FGF12: variants seen among roughly 807,000 people sequenced by gnomAD.
FGF12 encodes the protein fibroblast growth factor 12B.
In FGF12, 14 loss-of-function variants were observed where a neutral mutation model predicts 23.6. That is an observed-to-expected ratio of 0.59 (90% confidence interval 0.39 to 0.93). FGF12 has a LOEUF of 0.93. Ranked by LOEUF, FGF12 falls within the 40% of genes least tolerant of loss-of-function variation. FGF12 has a pLI of 0.00. For synonymous variants in FGF12, 62 were observed against 77.3 expected, an observed-to-expected ratio of 0.80 and a Z score of 1.04; for missense variants, 175 against 217.8, an observed-to-expected ratio of 0.80 and a Z score of 1.24.
At chr3:192,316,307 T>G (rs894183583) in intron 4 of FGF12, among the ~76,000 whole-genome samples, 2 of 152,142 alleles carry the variant, frequency 1.3e-5, no homozygotes, top group Admixed American at 1.3e-4. Flanking sequence ...AAACATCAGA[T>G]GAATTATCAC....
chr3:192,319,085 A>G (rs973995750), intron 4 of FGF12, among the ~76,000 whole-genome samples: 1 of 152,220 alleles, frequency 6.6e-6, no homozygotes, highest in Non-Finnish European at 1.5e-5. Context: ...AAGCTGAGGG[A>G]TTATATCAAC....
chr3:192,523,999 A>G (rs1463835381), intron 2 of FGF12, among the ~76,000 whole-genome samples: 1 of 152,226 alleles, frequency 6.6e-6, no homozygotes, highest in African/African-American at 2.4e-5. Flanking sequence ...TTTAGGGAAT[A>G]AAATTTTAAC....
At chr3:192,507,940 A>G (rs574265927) in intron 2 of FGF12, among the ~76,000 whole-genome samples, 1 of 152,334 alleles carries the variant, frequency 6.6e-6, no homozygotes, top group South Asian at 2.1e-4. Flanking sequence ...CAGATGCTGA[A>G]CCAACATGGC....
At chr3:192,164,935 G>T (rs59164461) in intron 5 of FGF12, among the ~76,000 whole-genome samples, 9,728 of 151,878 alleles carry the variant, frequency 0.064, 381 homozygotes, top group African/African-American at 0.089. Context: ...AAATATTATC[G>T]AAAACTTTAT....
chr3:192,352,275 C>T (rs1336101355), intron 3 of FGF12, among the ~76,000 whole-genome samples: 1 of 152,144 alleles, frequency 6.6e-6, no homozygotes, highest in Non-Finnish European at 1.5e-5. Context: ...CTTTCATTAG[C>T]AAATGTGAGC....
intron 2 of FGF12, among the ~76,000 whole-genome samples, chr3:192,412,045 G>T (rs1378306699): frequency 6.6e-6 from 1 of 152,136 alleles, no homozygotes; most frequent in Non-Finnish European, 1.5e-5. Context: ...ACACGAAGTG[G>T]AAGTCTGTAT....
Position 192,197,039 on chromosome 3 carries a change from G to C in FGF12, c.229-26383C>G, listed in dbSNP as rs79613871. 6.1e-3 allele frequency among the ~76,000 whole-genome samples: 936 copies of C among 152,280 alleles called. 12 individuals carry two copies. Among genetic ancestry groups the C allele is most frequent in the East Asian group, 0.032 (165 of 5,184 alleles). ...TTACCAGAAATCTAAGGAAAGGTAA[G>C]AGCCCCCTCAAAGATTTCCCTTAGA... On this transcript the variant is annotated intron_variant, in intron 4 of 5. Coordinates refer to ENST00000445105, the MANE Select transcript of FGF12 (RefSeq NM_004113.6).
chr3:192,211,574 C>T (rs1325001169), intron 4 of FGF12, among the ~76,000 whole-genome samples: 1 of 151,788 alleles, frequency 6.6e-6, no homozygotes, highest in African/African-American at 2.4e-5. Flanking sequence ...TACAGGTGCC[C>T]CCCACCACGC....
intron 2 of FGF12, among the ~76,000 whole-genome samples, chr3:192,711,277 G>A (rs1239075365): frequency 7.8e-6 from 1 of 128,748 alleles, no homozygotes; most frequent in Non-Finnish European, 1.6e-5. Flanking sequence ...GCCCCGTCCG[G>A]GAGGGAGGTG....
chr3:192,410,523 T>C (rs932138379), intron 2 of FGF12, among the ~76,000 whole-genome samples: 4 of 152,152 alleles, frequency 2.6e-5, no homozygotes, highest in African/African-American at 9.7e-5. Context: ...TCCAATAAGC[T>C]TGAGCACGTA....
At chr3:192,378,080 T>TTG (rs1553805088) in intron 2 of FGF12, among the ~76,000 whole-genome samples, 1 of 105,810 alleles carries the variant, frequency 9.5e-6, no homozygotes, top group Non-Finnish European at 2.0e-5. Context: ...CTTTCTTTCT[T>TTG]TCTTTCTTTC....
intron 2 of FGF12, among the ~76,000 whole-genome samples, chr3:192,680,184 T>C (rs748687131): frequency 6.6e-6 from 1 of 152,168 alleles, no homozygotes; most frequent in Admixed American, 6.5e-5. Flanking sequence ...AGGAATTTTG[T>C]TGGGTCCTCA....
intron 4 of FGF12, among the ~76,000 whole-genome samples, chr3:192,206,004 C>A (rs954524744): frequency 1.3e-5 from 2 of 152,128 alleles, no homozygotes; most frequent in African/African-American, 4.8e-5. Flanking sequence ...AGGGTCCTCA[C>A]CAAGAGAAGG....
chr3:192,702,915 A>G (rs1718347965), intron 2 of FGF12, among the ~76,000 whole-genome samples: 1 of 152,216 alleles, frequency 6.6e-6, no homozygotes, highest in Non-Finnish European at 1.5e-5. Context: ...ATAACAATAT[A>G]TGTTATTAGT....
intron 2 of FGF12, among the ~76,000 whole-genome samples, chr3:192,533,083 G>T (rs1012797921): frequency 6.6e-6 from 1 of 152,128 alleles, no homozygotes; most frequent in Non-Finnish European, 1.5e-5. Context: ...TTAAAATAGC[G>T]TGTGCTCAGG....
chr3:192,246,238 T>TA (rs1711556579), intron 4 of FGF12, among the ~76,000 whole-genome samples: 1 of 151,998 alleles, frequency 6.6e-6, no homozygotes, highest in African/African-American at 2.4e-5. Context: ...TATGAGTTTA[T>TA]AAAAAAAGAA....
chr3:192,286,660 C>T (rs1714463933), intron 4 of FGF12, among the ~76,000 whole-genome samples: 1 of 151,900 alleles, frequency 6.6e-6, no homozygotes. Flanking sequence ...AAAAGAAATC[C>T]TTTTATCTAT....
intron 4 of FGF12, among the ~76,000 whole-genome samples, chr3:192,222,922 T>C (rs1718548221): frequency 6.6e-6 from 1 of 152,128 alleles, no homozygotes. Flanking sequence ...TAAGACTCAG[T>C]GTCTCCATCA....
chr3:192,409,131 G>A lies in FGF12; in HGVS notation c.14-48593C>T, dbSNP rs574547188. On this transcript the variant is annotated intron_variant, in intron 2 of 5. Transcript: ENST00000445105. This position sits in a 1 kb window ranked among gnomAD's most constrained non-coding sequence, Gnocchi z 4.8. Reference sequence around the variant, plus strand: ...TCGAGGGCCAAGCACCCCTCGGGGAGAAACCAGCGAGAGGCGATCTGCGGG... The same window carrying A: ...TCGAGGGCCAAGCACCCCTCGGGGAAAAACCAGCGAGAGGCGATCTGCGGG... 2.2e-5 allele frequency: 7 copies of A among 311,980 alleles called. No individual in the cohort carries two copies. Among genetic ancestry groups the A allele is most frequent in the Non-Finnish European group, 2.8e-5 (6 of 214,076 alleles). The allele number at this position is 311,980 out of a possible 1,614,324, so 19.3% of individuals were successfully genotyped here.
Sources: gnomAD v4.1 joint callset for allele counts (sites outside exome capture counted in the v4.1 genomes callset) on GRCh38, gnomAD v4.1.1 for gene constraint, Gnocchi (gnomAD v3.1) non-coding constraint, MANE v1.5 for transcripts, NCBI Gene and HGNC (gene_info 2026-07-23, HGNC 2026-07-21) for gene names.